TAFA5: variants seen among roughly 807,000 people sequenced by gnomAD.
The protein encoded by TAFA5 is TAFA chemokine like family member 5.
A neutral mutation model predicts 15.3 loss-of-function variants in TAFA5; 6 were observed. The observed-to-expected ratio is 0.39, with a 90% CI of 0.21 to 0.77. The LOEUF is 0.77. Among genes scored for constraint, TAFA5 ranks in the 30% least tolerant of loss-of-function variants. TAFA5 has a pLI of 0.41. For missense variants in TAFA5, 161 were observed against 193.1 expected (o/e 0.83, Z 0.98); for synonymous variants, 103 against 80.7 (o/e 1.28, Z -1.48).
chr22:48,494,888 T>C (rs1327293272), intron 1 of TAFA5, among the ~76,000 whole-genome samples: 2 of 152,200 alleles, frequency 1.3e-5, no homozygotes, highest in Admixed American at 6.5e-5. Context: ...CCCTGAGGCT[T>C]TGTAGCGTTT....
intron 2 of TAFA5, among the ~76,000 whole-genome samples, chr22:48,679,604 G>C (rs866859895): frequency 1.5e-4 from 3 of 20,484 alleles, no homozygotes; most frequent in African/African-American, 5.8e-4. Context: ...ATCCCTCTCC[G>C]GGCTCCCCGT....
intron 3 of TAFA5, among the ~76,000 whole-genome samples, chr22:48,717,003 A>T (rs981561556): frequency 5.3e-5 from 8 of 152,242 alleles, no homozygotes; most frequent in South Asian, 2.1e-4. Context: ...AGAAGAAATT[A>T]TCAAAGAAAT....
chr22:48,590,941 T>C (rs921152373), intron 1 of TAFA5, among the ~76,000 whole-genome samples: 1 of 151,668 alleles, frequency 6.6e-6, no homozygotes, highest in African/African-American at 2.4e-5. Context: ...AACCTCCGCC[T>C]CCCAGGTTCA....
At chr22:48,511,427 T>C (rs1184437623) in intron 1 of TAFA5, among the ~76,000 whole-genome samples, 1 of 152,142 alleles carries the variant, frequency 6.6e-6, no homozygotes, top group Non-Finnish European at 1.5e-5. Flanking sequence ...AAGCGTGATG[T>C]GGCTCCCAGG....
At chr22:48,626,270 A>C (rs527831069) in intron 1 of TAFA5, among the ~76,000 whole-genome samples, 1 of 152,320 alleles carries the variant, frequency 6.6e-6, no homozygotes, top group East Asian at 1.9e-4. Flanking sequence ...GACGCTGCCA[A>C]GCTGTCTTCC....
Position 48,717,224 on chromosome 22 carries a change from G to A in TAFA5, c.390+9380G>A, listed in dbSNP as rs1396073983. ...AGCGTCGTCGGGTTCTCAGCAGATC[G>A]CCGAAGCCGGGAAACAGTGTTGCCA... On this transcript the variant is annotated intron_variant, in intron 3 of 3. Transcript: ENST00000402357. Among the ~76,000 whole-genome samples, 3 of 152,222 alleles carry A rather than the reference G, an allele frequency of 2.0e-5. No homozygotes were observed. In the East Asian group the frequency reaches 5.8e-4, roughly 29 times the overall value.
chr22:48,540,265 C>A (rs1326752766), intron 1 of TAFA5, among the ~76,000 whole-genome samples: 1 of 152,086 alleles, frequency 6.6e-6, no homozygotes, highest in Admixed American at 6.5e-5. Context: ...TAGAAGGGAC[C>A]CGTGGGCTGA....
At chr22:48,679,873 G>T (rs1381378302) in intron 2 of TAFA5, among the ~76,000 whole-genome samples, 2 of 152,204 alleles carry the variant, frequency 1.3e-5, no homozygotes, top group Non-Finnish European at 2.9e-5. Context: ...CACTCTCAGG[G>T]TTCTGCACAG....
chr22:48,601,983 G>A (rs183140786), intron 1 of TAFA5, among the ~76,000 whole-genome samples: 217 of 152,284 alleles, frequency 1.4e-3, no homozygotes, highest in African/African-American at 5.0e-3. Flanking sequence ...CAGTGTGAGC[G>A]GCATGCACCT....
chr22:48,550,613 C>T lies in TAFA5; in HGVS notation c.112+60909C>T, dbSNP rs1569022465. On this transcript the variant is annotated intron_variant, in intron 1 of 3. Transcript: ENST00000402357. The surrounding 1 kb of genome is among the most constrained non-coding windows in gnomAD (Gnocchi z 4.1). ...TCCTAGCAGGTTCCATCGCCTTCCG[C>T]ACTTGATGCTGCTGGATCCTCCCAA... Among the ~76,000 whole-genome samples the T allele has an allele frequency of 6.6e-6, 1 of 152,302 alleles. No homozygotes were observed.
chr22:48,610,969 T>C (rs1469577593), intron 1 of TAFA5, among the ~76,000 whole-genome samples: 1 of 151,496 alleles, frequency 6.6e-6, no homozygotes, highest in Non-Finnish European at 1.5e-5. Context: ...GAGTCTCGCT[T>C]TATTGTCCAG....
In TAFA5 at chr22:48,646,591, C is replaced by T. The variant is rs547299840; in HGVS notation, c.113-6C>T. 1 of 1,612,306 alleles carries T rather than the reference C, an allele frequency of 6.2e-7. No individual in the cohort carries two copies. The highest frequency in any genetic ancestry group is 1.1e-5 in the South Asian group (1 of 91,038). ...GCCGCTCAGTCGCTTCTGCTCCTCT[C>T]TGCAGGTCAGCTGGCCGCCGGCACC... On this transcript the variant is annotated splice_region_variant and splice_polypyrimidine_tract_variant and intron_variant, in intron 1 of 3. Coordinates refer to ENST00000402357, the MANE Select transcript of TAFA5 (RefSeq NM_001082967.3).
chr22:48,639,597 C>T (rs982650721), intron 1 of TAFA5, among the ~76,000 whole-genome samples: 3 of 152,190 alleles, frequency 2.0e-5, no homozygotes, highest in African/African-American at 7.2e-5. Context: ...CCCTTTGTCA[C>T]ACCTCCTGGA....
At chr22:48,536,110 G>C (rs968983915) in intron 1 of TAFA5, among the ~76,000 whole-genome samples, 1 of 152,216 alleles carries the variant, frequency 6.6e-6, no homozygotes, top group Non-Finnish European at 1.5e-5. Context: ...GTTGGTTTTC[G>C]TCTCCTGAAA....
At chr22:48,575,572 G>T (rs1207508396) in intron 1 of TAFA5, among the ~76,000 whole-genome samples, 2 of 146,292 alleles carry the variant, frequency 1.4e-5, no homozygotes, top group African/African-American at 2.4e-5. Context: ...GCGCAGCGTC[G>T]CCGGCCCCAC....
At chr22:48,707,149 G>T (rs130137) in intron 2 of TAFA5, among the ~76,000 whole-genome samples, 10,037 of 151,632 alleles carry the variant, frequency 0.066, 972 homozygotes, top group African/African-American at 0.21. Flanking sequence ...GGGGTCAGCC[G>T]GGCATCTGCA....
intron 2 of TAFA5, among the ~76,000 whole-genome samples, chr22:48,690,354 GA>G (rs1482034438): frequency 1.3e-5 from 2 of 152,102 alleles, no homozygotes; most frequent in Admixed American, 1.3e-4. Flanking sequence ...AGGCAGGTGT[GA>G]GGGCCGGGGC....
chr22:48,646,241 G>T (rs1435236479), intron 1 of TAFA5, among the ~76,000 whole-genome samples: 1 of 152,218 alleles, frequency 6.6e-6, no homozygotes. Context: ...CTCTCCAGCA[G>T]GTGCCTGATT....
chr22:48,693,191 G>T (rs1928597115), intron 2 of TAFA5: 2 of 1,078,470 alleles, frequency 1.9e-6, no homozygotes. Flanking sequence ...GCCTGGAGGG[G>T]CCTCAGTGAC....
Sources: allele counts gnomAD v4.1 joint callset (sites outside exome capture counted in the v4.1 genomes callset), GRCh38; gene constraint gnomAD v4.1.1; non-coding constraint Gnocchi (gnomAD v3.1); transcripts MANE v1.5; gene names NCBI Gene and HGNC (gene_info 2026-07-23, HGNC 2026-07-21).